Variants in FABP3 observed in about 807,000 individuals in gnomAD.
The protein encoded by FABP3 is fatty acid-binding protein, heart.
A neutral mutation model predicts 13.4 loss-of-function variants in FABP3; 8 were observed. The observed-to-expected ratio is 0.60, with a 90% CI of 0.35 to 1.07. The LOEUF is 1.07. FABP3 is among the 50% of genes least tolerant of loss of function. The probability of loss-of-function intolerance (pLI) is 0.02; values close to 1 mark genes in which losing one functional copy is unlikely to be tolerated. For synonymous variants in FABP3, 64 were observed against 60.0 expected (o/e 1.07, Z -0.31); for missense variants, 135 against 164.7 (o/e 0.82, Z 0.99).
downstream of FABP3, among the ~76,000 whole-genome samples, chr1:31,363,222 C>T (rs1390936148): frequency 4.9e-5 from 7 of 142,274 alleles, no homozygotes; most frequent in East Asian, 4.1e-4. Context: ...CTCGCTCTGT[C>T]GCCAAGGCTG....
chr1:31,367,554 G>A (rs1412012625), intron 2 of FABP3, 60 bp from the exon 3 acceptor site: 2 of 1,441,056 alleles, frequency 1.4e-6, no homozygotes, highest in Non-Finnish European at 2.0e-6. Flanking sequence ...GGGGCAGGGT[G>A]GGGTCTGGAC....
In FABP3 at chr1:31,372,011, T is replaced by C. The variant is rs562276794; in HGVS notation, c.73+931A>G. ...CTGTGGAATTGTTATAATACATTTC[T>C]ACTCTCCTGGTTTCAGTTTCCCTGT... On this transcript the variant is annotated intron_variant, in intron 1 of 3. Coordinates refer to ENST00000373713, the MANE Select transcript of FABP3 (RefSeq NM_004102.5). Among the ~76,000 whole-genome samples the C allele has an allele frequency of 1.1e-4, 17 of 152,332 alleles. No individual in the cohort carries two copies. In the South Asian group the frequency reaches 2.9e-3, roughly 26 times the overall value.
chr1:31,372,943 G>A lies in FABP3; in HGVS notation c.72C>T (p.Leu24=), dbSNP rs770438894. The A allele has an allele frequency of 1.2e-5, 19 of 1,613,042 alleles. No individual in the cohort carries two copies. The highest frequency in any genetic ancestry group is 1.3e-5 in the African/African-American group (1 of 74,946). Residue 24 remains leucine, a splice_region_variant and synonymous_variant, in exon 1 of 4, where the codon CTC becomes CTT. Transcript: ENST00000373713. ...SKNFDDYMKS[L]GVGFATRQVA... Reference sequence around the variant, plus strand: ...TCCTGAGCCCCGCGGCTTGCTCACCGAGTGACTTCATGTAGTCATCGAAAT... The same window carrying A: ...TCCTGAGCCCCGCGGCTTGCTCACCAAGTGACTTCATGTAGTCATCGAAAT...
At chr1:31,366,128 T>C (rs571090379) in intron 3 of FABP3, among the ~76,000 whole-genome samples, 189 bp from the exon 4 acceptor site, 3 of 151,784 alleles carry the variant, frequency 2.0e-5, no homozygotes, top group African/African-American at 4.8e-5. Context: ...TTTTCTGATA[T>C]GCACAGCAAA....
chr1:31,370,549 G>C (rs1640190943), intron 1 of FABP3, among the ~76,000 whole-genome samples: 1 of 152,122 alleles, frequency 6.6e-6, no homozygotes, highest in Non-Finnish European at 1.5e-5. Flanking sequence ...TAGGAGTTAG[G>C]TACAAAGGAA....
rs1553127842 is a variant in FABP3, at chr1:31,365,719, A to AC, written c.*166_*167insG. 12 of 616,864 alleles carry AC rather than the reference A, an allele frequency of 1.9e-5. No individual in the cohort carries two copies. The highest frequency in any genetic ancestry group is 8.8e-5 in the Admixed American group (3 of 34,086). The allele number at this position is 616,864 out of a possible 1,614,324, so 38.2% of individuals were successfully genotyped here. A position where few individuals can be genotyped will look rare whatever the true frequency, so the allele number is the denominator to read the frequency against. ...TGAGTGCAGTTAAAAAAAAAAAAAA[A>AC]AAACCACATACACCATGGGAACTGG... On this transcript the variant is annotated 3_prime_UTR_variant, in exon 4 of 4. Transcript: ENST00000373713.
At chr1:31,370,155 G>A (rs1640182049) in intron 1 of FABP3, among the ~76,000 whole-genome samples, 1 of 148,958 alleles carries the variant, frequency 6.7e-6, no homozygotes, top group Non-Finnish European at 1.5e-5. Context: ...TGTGTAGTAA[G>A]AACTGTACAT....
chr1:31,367,579 C>G (rs2271072), intron 2 of FABP3, 85 bp from the exon 3 acceptor site: 636,572 of 1,123,366 alleles, frequency 0.57, 188,520 homozygotes, highest in Non-Finnish European at 0.62. Context: ...GGCCACAGAG[C>G]ACACAGCCTT....
At chr1:31,370,789 T>C (rs1004361060) in intron 1 of FABP3, among the ~76,000 whole-genome samples, 4 of 152,158 alleles carry the variant, frequency 2.6e-5, no homozygotes, top group Non-Finnish European at 5.9e-5. Context: ...AACATTGAAC[T>C]GTCTTCCAAG....
Position 31,371,201 on chromosome 1 carries a change from T to G in FABP3, c.74-1644A>C, listed in dbSNP as rs141192622. Among the ~76,000 whole-genome samples, 253 of 152,324 alleles carry G rather than the reference T, an allele frequency of 1.7e-3. 1 individual carries two copies. Among genetic ancestry groups the G allele is most frequent in the Non-Finnish European group, 3.2e-3 (216 of 68,018 alleles). On this transcript the variant is annotated intron_variant, in intron 1 of 3. Coordinates refer to ENST00000373713, the MANE Select transcript of FABP3 (RefSeq NM_004102.5). The stretch of plus-strand genomic sequence containing the variant: ...GGGGCAGGGGCTGCCTCTGCTGTTA[T>G]GCTGTCAGCCCACCCTTGCTTGGCC...
chr1:31,364,238 G>T, downstream of FABP3: 1 of 1,572,854 alleles, frequency 6.4e-7, no homozygotes, highest in Non-Finnish European at 8.6e-7. Flanking sequence ...GAAACCAGGA[G>T]CCTTGTGCCT....
At chr1:31,363,323 A>G (rs1639996333), downstream of FABP3, among the ~76,000 whole-genome samples, 1 of 151,874 alleles carries the variant, frequency 6.6e-6, no homozygotes, top group African/African-American at 2.4e-5. Context: ...AGCTGGGACT[A>G]CAAGCACCTG....
downstream of FABP3, chr1:31,364,313 G>A (rs1375772466): frequency 3.5e-6 from 5 of 1,434,208 alleles, no homozygotes; most frequent in African/African-American, 7.2e-5. Context: ...TCGCTCCCAT[G>A]GGAGATGGCT....
chr1:31,364,097 T>A (rs763839487), downstream of FABP3: 7 of 1,613,094 alleles, frequency 4.3e-6, no homozygotes, highest in South Asian at 7.7e-5. Context: ...ACTCTGAGAG[T>A]GATACAGGCA....
At chr1:31,359,983 C>CTTTT in the FABP3 span, among the ~76,000 whole-genome samples, 18 of 145,282 alleles carry the variant, frequency 1.2e-4, no homozygotes, top group African/African-American at 3.3e-4. Context: ...GAACTACAAC[C>CTTTT]TTTTTTTTTT....
At chr1:31,361,581 C>A (rs1639895535), downstream of FABP3, among the ~76,000 whole-genome samples, 1 of 152,064 alleles carries the variant, frequency 6.6e-6, no homozygotes, top group African/African-American at 2.4e-5. Flanking sequence ...TTCTAATGAC[C>A]ATACCATGAG....
At chr1:31,368,598 T>G (rs1164743295) in intron 2 of FABP3, among the ~76,000 whole-genome samples, 1 of 152,186 alleles carries the variant, frequency 6.6e-6, no homozygotes, top group Admixed American at 6.5e-5. Context: ...GGCTGAATGA[T>G]AGTGTCATGA....
At position 31,365,887 on chromosome 1, in the gene FABP3, C is replaced by A; in HGVS notation, c.401G>T (p.Ter134LeuextTer61). The change falls in exon 4 of 4, where the codon TGA becomes TTA. Residue 134 changes from the stop codon to leucine (L), a stop_lost. Transcript: ENST00000373713. ...VCTRTYEKEA* is the reference protein window; with the variant it reads ...VCTRTYEKEAL ...GTAGTCAGCAACAGTGCAGTCAGGT[C>A]ATGCCTCTTTCTCATAAGTGCGAGT... The A allele has an allele frequency of 1.2e-6, 2 of 1,613,916 alleles. No homozygotes were observed. The highest frequency in any genetic ancestry group is 2.2e-5 in the South Asian group (2 of 91,042).
chr1:31,372,375 C>T (rs1177304657), intron 1 of FABP3, among the ~76,000 whole-genome samples: 2 of 152,178 alleles, frequency 1.3e-5, no homozygotes, highest in Non-Finnish European at 2.9e-5. Flanking sequence ...TGAGAAAGGG[C>T]ATTCTCCAGC....
Sources: allele counts gnomAD v4.1 joint callset (sites outside exome capture counted in the v4.1 genomes callset), GRCh38; gene constraint gnomAD v4.1.1; transcripts MANE v1.5; gene names NCBI Gene and HGNC (gene_info 2026-07-23, HGNC 2026-07-21).